STPG2: variants seen among roughly 807,000 people sequenced by gnomAD.
STPG2 encodes sperm tail PG-rich repeat containing 2.
STPG2 carries 56 observed loss-of-function variants against 54.2 expected under a neutral mutation model. That is an observed-to-expected ratio of 1.03 (90% CI 0.83 to 1.29). The LOEUF is 1.29. STPG2 is among the 50% of genes most tolerant of loss of function. The pLI is 0.00. For missense variants in STPG2, 596 were observed against 544.9 expected (o/e 1.09, Z -0.93); for synonymous variants, 200 against 181.8 (o/e 1.10, Z -0.81).
chr4:97,744,311 C>A (rs1478009228), intron 9 of STPG2, among the ~76,000 whole-genome samples: 1 of 150,612 alleles, frequency 6.6e-6, no homozygotes, highest in African/African-American at 2.4e-5. Flanking sequence ...AAAATAAGCC[C>A]CTAGGTAATT....
At chr4:98,040,918 C>T (rs776550706) in intron 5 of STPG2, among the ~76,000 whole-genome samples, 2 of 151,260 alleles carry the variant, frequency 1.3e-5, no homozygotes, top group African/African-American at 4.8e-5. Context: ...TAAGAATCAA[C>T]ATTGAATCAA....
At chr4:97,566,707 A>C (rs1732457569) in intron 10 of STPG2, among the ~76,000 whole-genome samples, 1 of 152,066 alleles carries the variant, frequency 6.6e-6, no homozygotes. Flanking sequence ...CAGCCATAAA[A>C]AATGATGAGT....
chr4:97,725,781 G>A (rs1046825511), intron 9 of STPG2, among the ~76,000 whole-genome samples: 4 of 150,866 alleles, frequency 2.7e-5, no homozygotes, highest in Admixed American at 1.3e-4. Flanking sequence ...AATGTAAAAG[G>A]ACACTATAAA....
chr4:97,560,442 C>A (rs1400072623), intron 10 of STPG2, among the ~76,000 whole-genome samples: 1 of 152,056 alleles, frequency 6.6e-6, no homozygotes, highest in African/African-American at 2.4e-5. Context: ...TAATGAGACT[C>A]CATGCCCTTT....
chr4:97,862,620 C>T (rs1448586562), intron 8 of STPG2, among the ~76,000 whole-genome samples: 22 of 152,080 alleles, frequency 1.4e-4, no homozygotes, highest in Non-Finnish European at 2.9e-5. Flanking sequence ...CAGAACGGTC[C>T]ACCCCAAATC....
At chr4:97,568,951 T>C (rs992671998) in intron 10 of STPG2, among the ~76,000 whole-genome samples, 4 of 151,452 alleles carry the variant, frequency 2.6e-5, no homozygotes, top group African/African-American at 9.7e-5. Flanking sequence ...TGGAAAGGGG[T>C]AGCAATCCAG....
At chr4:97,951,532 A>C (rs1370914154) in intron 7 of STPG2, among the ~76,000 whole-genome samples, 1 of 151,784 alleles carries the variant, frequency 6.6e-6, no homozygotes, top group Non-Finnish European at 1.5e-5. Flanking sequence ...CTGTGACTTT[A>C]AAGCTTATAG....
At chr4:97,900,042 T>G (rs1731115123) in intron 8 of STPG2, among the ~76,000 whole-genome samples, 1 of 152,144 alleles carries the variant, frequency 6.6e-6, no homozygotes, top group Non-Finnish European at 1.5e-5. Context: ...AGGTCTAATA[T>G]CCAGTATCTA....
intron 8 of STPG2, among the ~76,000 whole-genome samples, chr4:97,862,075 T>G (rs975157162): frequency 3.9e-5 from 6 of 151,928 alleles, no homozygotes; most frequent in Non-Finnish European, 7.4e-5. Flanking sequence ...CATAACAATA[T>G]TAACCTTAAA....
chr4:97,797,782 C>G (rs764879489), intron 9 of STPG2, among the ~76,000 whole-genome samples: 6 of 152,094 alleles, frequency 3.9e-5, no homozygotes, highest in South Asian at 2.1e-4. Flanking sequence ...CTCCTTGTAC[C>G]TTTGGTAGAA....
intron 10 of STPG2, among the ~76,000 whole-genome samples, chr4:97,672,792 G>A (rs954912739): frequency 1.3e-5 from 2 of 152,138 alleles, no homozygotes; most frequent in African/African-American, 2.4e-5. Flanking sequence ...CTTGTCACAC[G>A]AAGGCACGTG....
At chr4:98,055,141 T>C (rs1425649528) in intron 5 of STPG2, among the ~76,000 whole-genome samples, 1 of 152,132 alleles carries the variant, frequency 6.6e-6, no homozygotes, top group African/African-American at 2.4e-5. Context: ...TCCTAGATTA[T>C]AGCAGAGAAA....
chr4:97,748,452 A>G (rs1288892261), intron 9 of STPG2, among the ~76,000 whole-genome samples: 1 of 151,582 alleles, frequency 6.6e-6, no homozygotes, highest in Non-Finnish European at 1.5e-5. Flanking sequence ...ACTAACCCAA[A>G]GCTTTCTCAC....
chr4:97,583,144 A>T (rs1460440498), intron 10 of STPG2, among the ~76,000 whole-genome samples: 2 of 152,020 alleles, frequency 1.3e-5, no homozygotes, highest in Non-Finnish European at 2.9e-5. Context: ...GACTGCAAAC[A>T]GACTTATAGG....
At chr4:98,124,353 C>T (rs889908944) in intron 3 of STPG2, among the ~76,000 whole-genome samples, 5 of 152,140 alleles carry the variant, frequency 3.3e-5, no homozygotes, top group Non-Finnish European at 4.4e-5. Context: ...CCTTCAGGAG[C>T]TCTGATAAGG....
At chr4:97,846,232 A>G (rs1728945048) in intron 8 of STPG2, among the ~76,000 whole-genome samples, 1 of 152,130 alleles carries the variant, frequency 6.6e-6, no homozygotes, top group Non-Finnish European at 1.5e-5. Context: ...GATAGTTGCC[A>G]TATTTTGAAT....
intron 5 of STPG2, among the ~76,000 whole-genome samples, chr4:98,058,302 T>C (rs1438780302): frequency 1.3e-5 from 2 of 152,192 alleles, no homozygotes; most frequent in Non-Finnish European, 2.9e-5. Context: ...TGGTATGCTG[T>C]CTTCAAGAGA....
At chr4:97,540,260 C>A (rs903091342) in intron 4 of STPG2, among the ~76,000 whole-genome samples, 1 of 151,986 alleles carries the variant, frequency 6.6e-6, no homozygotes, top group African/African-American at 2.4e-5. Context: ...AGAGAAGAAT[C>A]AAATAGATGC....
intron 4 of STPG2, among the ~76,000 whole-genome samples, chr4:97,544,898 A>C (rs1425576439): frequency 6.6e-6 from 1 of 152,154 alleles, no homozygotes; most frequent in Non-Finnish European, 1.5e-5. Context: ...GTAAATGCTA[A>C]GGGAGAGAAA....
Sources: allele counts gnomAD v4.1 joint callset (sites outside exome capture counted in the v4.1 genomes callset), GRCh38; gene constraint gnomAD v4.1.1; transcripts MANE v1.5; gene names NCBI Gene and HGNC (gene_info 2026-07-23, HGNC 2026-07-21).